The following MED14 variants were observed in gnomAD, a reference collection of about 807,000 sequenced individuals.
MED14 encodes the protein mediator complex subunit 14, also known as mediator of RNA polymerase II transcription subunit 14.
MED14 carries 8 observed loss-of-function variants against 109.0 expected under a neutral mutation model. The observed-to-expected ratio is 0.07, with a 90% CI of 0.04 to 0.13. MED14 has a LOEUF of 0.13. MED14 is among the 10% of genes least tolerant of loss of function. The pLI is 1.00. For synonymous variants in MED14, 399 were observed against 408.7 expected, an observed-to-expected ratio of 0.98 and a Z score of 0.29; for missense variants, 711 against 1,142.4, an observed-to-expected ratio of 0.62 and a Z score of 5.44.
chrX:40,684,636 G>C (rs747831702), intron 16 of MED14, among the ~76,000 whole-genome samples: 1 of 112,338 alleles, frequency 8.9e-6, no homozygotes, highest in African/African-American at 3.2e-5. Context: ...CTCCGTAGGA[G>C]TTATAAAGCA....
intron 10 of MED14, among the ~76,000 whole-genome samples, chrX:40,708,929 A>C (rs892329807): frequency 1.8e-5 from 2 of 112,193 alleles, no homozygotes; most frequent in Non-Finnish European, 3.8e-5. Flanking sequence ...AATAAGGTTC[A>C]TATTAAAATG....
rs1183819539 is a variant in MED14 at position 40,659,584 on chromosome X, T to C, written c.3708A>G (p.Glu1236=). The C allele has an allele frequency of 8.4e-7, 1 of 1,196,733 alleles. No individual in the cohort carries two copies. Among genetic ancestry groups the C allele is most frequent in the Non-Finnish European group, 1.1e-6 (1 of 889,994 alleles). The stretch of plus-strand genomic sequence containing the variant: ...CAGTCTTAAACATGATCACTCCGGG[T>C]TCATTAGAATTTATCAGCTGCAGCT... The part of the protein sequence containing the change: ...QETLQLINSN[E]PGVIMFKTDA... Residue 1236 remains glutamate (E), a synonymous_variant, in exon 27 of 31, where the codon GAA becomes GAG. Transcript: ENST00000324817.
chrX:40,727,694 C>T (rs949332428), intron 2 of MED14, among the ~76,000 whole-genome samples: 1 of 111,339 alleles, frequency 9.0e-6, no homozygotes, highest in Non-Finnish European at 1.9e-5. Flanking sequence ...ATTCAACAAG[C>T]CAGGACCGAT....
At chrX:40,706,027 C>T in intron 10 of MED14, among the ~76,000 whole-genome samples, 1 of 111,330 alleles carries the variant, frequency 9.0e-6, no homozygotes. Context: ...CTATGCCTTC[C>T]CCTAGCCTTC....
intron 19 of MED14, 147 bp from the exon 20 acceptor site, chrX:40,681,057 C>T (rs1046779961): frequency 3.2e-5 from 14 of 442,670 alleles, no homozygotes; most frequent in Non-Finnish European, 3.9e-5. Context: ...AGACTGGATT[C>T]GAACTCCAGA....
At chrX:40,735,975 T>TCTCC (rs1436436456), upstream of MED14, 13 of 230,697 alleles carry the variant, frequency 5.6e-5, no homozygotes, top group Non-Finnish European at 1.1e-4. Flanking sequence ...CCCTCGCCGC[T>TCTCC]CTCCCTCCCG....
chrX:40,714,817 A>G, intron 3 of MED14, 107 bp from the exon 4 acceptor site: 1 of 702,616 alleles, frequency 1.4e-6, no homozygotes, highest in Non-Finnish European at 2.0e-6. Context: ...AATTAGTATC[A>G]GTTTTCCATA....
chrX:40,672,687 A>AG (rs1259665288), intron 22 of MED14, among the ~76,000 whole-genome samples: 4 of 110,806 alleles, frequency 3.6e-5, no homozygotes, highest in African/African-American at 1.3e-4. Context: ...TTCGGTGCTT[A>AG]TTGGCCACTT....
intron 26 of MED14, among the ~76,000 whole-genome samples, chrX:40,662,232 CTCTTTT>C (rs1287623530): frequency 9.1e-6 from 1 of 110,491 alleles, no homozygotes; most frequent in Non-Finnish European, 1.9e-5. Flanking sequence ...AATTTTTTTT[CTCTTTT>C]TATTTTTTTA....
intron 5 of MED14, among the ~76,000 whole-genome samples, chrX:40,713,315 T>C (rs1166460447): frequency 1.8e-5 from 2 of 111,668 alleles, no homozygotes; most frequent in Non-Finnish European, 3.8e-5. Flanking sequence ...ACTCCCAAGC[T>C]GCAAATACCA....
intron 25 of MED14, among the ~76,000 whole-genome samples, chrX:40,663,613 C>T (rs1467494427): frequency 1.8e-5 from 2 of 112,301 alleles, no homozygotes; most frequent in African/African-American, 6.5e-5. Context: ...CCAAACCAAC[C>T]CAGCAGCTGA....
chrX:40,693,937 C>T (rs182101200), intron 13 of MED14, among the ~76,000 whole-genome samples: 302 of 111,167 alleles, frequency 2.7e-3, no homozygotes, highest in African/African-American at 9.4e-3. Flanking sequence ...CTCACTCTGT[C>T]ACCCAGCTGG....
Position 40,651,833 on chromosome X carries a change from A to C in MED14, c.4338T>G (p.Leu1446=). 1.7e-6 allele frequency: 2 copies of C among 1,199,362 alleles called. No individual in the cohort carries two copies. Among genetic ancestry groups the C allele is most frequent in the Non-Finnish European group, 1.1e-6 (1 of 889,374 alleles). ...FAAVRDLMAN[L]TLPPGGRP ...ATGGACGCCCACCAGGGGGCAGTGT[A>C]AGATTAGCCATTAAATCACGAACAG... The change falls in exon 31 of 31, where the codon CTT becomes CTG. Residue 1446 remains leucine (L), a synonymous_variant. Coordinates refer to ENST00000324817, the MANE Select transcript of MED14 (RefSeq NM_004229.4).
At chrX:40,735,837 C>A, upstream of MED14, 1 of 315,628 alleles carries the variant, frequency 3.2e-6, no homozygotes. Context: ...CGCTGGGGGG[C>A]GCGTGGGAGT....
At chrX:40,671,338 T>A (rs1929723612) in intron 23 of MED14, among the ~76,000 whole-genome samples, 1 of 112,155 alleles carries the variant, frequency 8.9e-6, no homozygotes. Context: ...GTGCACTTCA[T>A]AGGGCTGCCA....
At chrX:40,675,735 G>C (rs1042028307) in intron 21 of MED14, among the ~76,000 whole-genome samples, 3 of 112,039 alleles carry the variant, frequency 2.7e-5, no homozygotes, top group African/African-American at 9.7e-5. Context: ...TTCCCAGCTA[G>C]TGAGCCATCT....
intron 22 of MED14, among the ~76,000 whole-genome samples, chrX:40,672,869 G>A (rs1929778327): frequency 9.0e-6 from 1 of 111,321 alleles, no homozygotes; most frequent in South Asian, 3.7e-4. Context: ...ATCCAATAAT[G>A]CAGAATGTAC....
intron 3 of MED14, among the ~76,000 whole-genome samples, chrX:40,719,155 A>T (rs1931635100): frequency 8.9e-6 from 1 of 112,230 alleles, no homozygotes; most frequent in South Asian, 3.7e-4. Context: ...GTCAGGTAAC[A>T]ACCAGTGTTG....
At chrX:40,710,201 T>C (rs763172132) in intron 8 of MED14, 72 bp from the exon 9 acceptor site, 1 of 738,454 alleles carries the variant, frequency 1.4e-6, no homozygotes, top group Non-Finnish European at 1.9e-6. Context: ...ATAGAGACAA[T>C]CCATTGTGCA....
Sources: allele counts gnomAD v4.1 joint callset (sites outside exome capture counted in the v4.1 genomes callset), GRCh38; gene constraint gnomAD v4.1.1; transcripts MANE v1.5; gene names NCBI Gene and HGNC (gene_info 2026-07-23, HGNC 2026-07-21).